ST6GALNAC5: variants seen among roughly 807,000 people sequenced by gnomAD.
The protein encoded by ST6GALNAC5 is alpha-N-acetylgalactosaminide alpha-2,6-sialyltransferase 5.
In ST6GALNAC5, 27 loss-of-function variants were observed where a neutral mutation model predicts 33.6. The observed-to-expected ratio is 0.80, with a 90% CI of 0.59 to 1.11. ST6GALNAC5 has a LOEUF of 1.11. Ranked by LOEUF, ST6GALNAC5 falls within the 50% of genes least tolerant of loss-of-function variation. The probability of loss-of-function intolerance (pLI) is 0.00; values close to 1 mark genes in which losing one functional copy is unlikely to be tolerated. For synonymous variants in ST6GALNAC5, 194 were observed against 171.2 expected, an observed-to-expected ratio of 1.13 and a Z score of -1.04; for missense variants, 428 against 454.0, an observed-to-expected ratio of 0.94 and a Z score of 0.52.
chr1:76,963,784 C>G (rs755423253), intron 2 of ST6GALNAC5, among the ~76,000 whole-genome samples: 3 of 152,140 alleles, frequency 2.0e-5, no homozygotes, highest in African/African-American at 7.2e-5. Context: ...TAATTTACCA[C>G]GACTTACTAA....
rs1036108738 is a variant in ST6GALNAC5, at chr1:76,884,606, G to T, written c.261+15864G>T. Among the ~76,000 whole-genome samples the T allele has an allele frequency of 3.3e-5, 5 of 152,176 alleles. No individual in the cohort carries two copies. The East Asian group carries it at 7.7e-4, about 24-fold the overall frequency. On this transcript the variant is annotated intron_variant, in intron 2 of 4. Transcript: ENST00000477717. ...ATATTATAATTAGAACCAGAACCAAGAATAAATACTAGAGTAAGAAATGAC... is the reference window on the plus strand; with the variant it reads ...ATATTATAATTAGAACCAGAACCAATAATAAATACTAGAGTAAGAAATGAC...
At chr1:76,969,192 G>A (rs1412671281) in intron 2 of ST6GALNAC5, among the ~76,000 whole-genome samples, 1 of 152,208 alleles carries the variant, frequency 6.6e-6, no homozygotes, top group Non-Finnish European at 1.5e-5. Flanking sequence ...AGCCCATGGA[G>A]GGCAAGCCGA....
intron 2 of ST6GALNAC5, among the ~76,000 whole-genome samples, chr1:76,966,280 G>T (rs1011494037): frequency 3.9e-5 from 6 of 151,960 alleles, no homozygotes; most frequent in African/African-American, 7.2e-5. Context: ...TATTTCGTTG[G>T]GAAGTGGTTT....
chr1:77,062,934 ATT>A, intron 4 of ST6GALNAC5, 39 bp from the exon 5 acceptor site: 5 of 1,558,010 alleles, frequency 3.2e-6, no homozygotes, highest in Non-Finnish European at 4.4e-6. Flanking sequence ...AGGAAAAAAA[ATT>A]TTTTTGCTTT....
Position 77,063,142 on chromosome 1 carries a change from T to A in ST6GALNAC5, c.947T>A (p.Phe316Tyr), listed in dbSNP as rs763138993. 5 of 1,613,796 alleles carry A rather than the reference T, an allele frequency of 3.1e-6. No individual in the cohort carries two copies. ...NWARTFNIHF[F>Y]QPDWKPESLA... Reference sequence around the variant, plus strand: ...GCACGGACATTCAATATTCACTTTTTTCAACCAGACTGGAAACCAGAATCA... The same window carrying A: ...GCACGGACATTCAATATTCACTTTTATCAACCAGACTGGAAACCAGAATCA... Residue 316 changes from phenylalanine to tyrosine, a missense_variant, in exon 5 of 5, where the codon TTT (phenylalanine) becomes TAT (tyrosine). By Grantham distance (22) the Phe-to-Tyr change is conservative (BLOSUM62 3). Coordinates refer to ENST00000477717, the MANE Select transcript of ST6GALNAC5 (RefSeq NM_030965.3).
At chr1:77,062,653 CT>C (rs1056773334) in intron 4 of ST6GALNAC5, among the ~76,000 whole-genome samples, 1 of 152,084 alleles carries the variant, frequency 6.6e-6, no homozygotes, top group Non-Finnish European at 1.5e-5. Context: ...TCTGCAGCTG[CT>C]TATGGTAAAT....
At chr1:76,916,214 G>A (rs553895204) in intron 2 of ST6GALNAC5, among the ~76,000 whole-genome samples, 4 of 152,232 alleles carry the variant, frequency 2.6e-5, no homozygotes, top group South Asian at 4.1e-4. Context: ...AAGCTGGTAC[G>A]GATGACACAA....
chr1:76,893,748 C>T (rs1175931680), intron 2 of ST6GALNAC5, among the ~76,000 whole-genome samples: 1 of 152,160 alleles, frequency 6.6e-6, no homozygotes, highest in Non-Finnish European at 1.5e-5. Flanking sequence ...GCAACCTCTG[C>T]CTCCCGGGTT....
intron 2 of ST6GALNAC5, among the ~76,000 whole-genome samples, chr1:76,965,193 G>T (rs957898007): frequency 7.0e-6 from 1 of 143,844 alleles, no homozygotes; most frequent in Non-Finnish European, 1.5e-5. Context: ...ACTGTCTTCC[G>T]CAATGGTGGA....
intron 2 of ST6GALNAC5, among the ~76,000 whole-genome samples, chr1:76,992,938 C>T (rs975013082): frequency 3.3e-5 from 5 of 152,192 alleles, no homozygotes; most frequent in Admixed American, 2.0e-4. Flanking sequence ...TGCCCTTGAG[C>T]TACCTTCCAG....
chr1:77,008,933 A>G (rs1650527641), intron 2 of ST6GALNAC5, among the ~76,000 whole-genome samples: 1 of 152,196 alleles, frequency 6.6e-6, no homozygotes, highest in African/African-American at 2.4e-5. Context: ...ACTACAGGGG[A>G]GTTACTCTTT....
intron 2 of ST6GALNAC5, among the ~76,000 whole-genome samples, chr1:76,971,927 C>A (rs1043708555): frequency 6.6e-6 from 1 of 152,126 alleles, no homozygotes; most frequent in South Asian, 2.1e-4. Context: ...TGCTTTAGAC[C>A]TGCATTCATC....
intron 2 of ST6GALNAC5, among the ~76,000 whole-genome samples, chr1:76,883,210 G>A (rs1344138051): frequency 1.3e-5 from 2 of 152,084 alleles, no homozygotes. Flanking sequence ...ACTATACCTT[G>A]GTAAGTGCTA....
intron 2 of ST6GALNAC5, among the ~76,000 whole-genome samples, chr1:77,003,658 C>A (rs1334136686): frequency 5.9e-5 from 9 of 151,944 alleles, no homozygotes; most frequent in Non-Finnish European, 8.8e-5. Flanking sequence ...TTTAGCGCTT[C>A]CTTCAGGAGC....
chr1:76,955,129 G>A (rs2100342382), intron 2 of ST6GALNAC5, among the ~76,000 whole-genome samples: 1 of 152,226 alleles, frequency 6.6e-6, no homozygotes, highest in South Asian at 2.1e-4. Context: ...AGATGTAGTG[G>A]TTTAAACAGA....
chr1:76,946,987 T>TCTAA (rs1647540365), intron 2 of ST6GALNAC5, among the ~76,000 whole-genome samples: 1 of 151,392 alleles, frequency 6.6e-6, no homozygotes, highest in African/African-American at 2.4e-5. Flanking sequence ...TTATTAAAAC[T>TCTAA]CAAACTGTTA....
At chr1:76,883,061 C>G (rs974320324) in intron 2 of ST6GALNAC5, among the ~76,000 whole-genome samples, 1 of 152,190 alleles carries the variant, frequency 6.6e-6, no homozygotes, top group Non-Finnish European at 1.5e-5. Context: ...CCAACGTTCT[C>G]TTATGTCAGC....
chr1:76,893,696 C>T (rs1161132588), intron 2 of ST6GALNAC5, among the ~76,000 whole-genome samples: 5 of 152,116 alleles, frequency 3.3e-5, no homozygotes, highest in South Asian at 4.1e-4. Flanking sequence ...AGGCTCACTC[C>T]GTCACCCAGG....
chr1:76,919,354 G>A (rs1647008599), intron 2 of ST6GALNAC5, among the ~76,000 whole-genome samples: 1 of 152,048 alleles, frequency 6.6e-6, no homozygotes, highest in African/African-American at 2.4e-5. Flanking sequence ...AATGCCCCAA[G>A]GAATGTGTGC....
Sources: gnomAD v4.1 joint callset for allele counts (sites outside exome capture counted in the v4.1 genomes callset) on GRCh38, gnomAD v4.1.1 for gene constraint, MANE v1.5 for transcripts, NCBI Gene and HGNC (gene_info 2026-07-23, HGNC 2026-07-21) for gene names.